Variants in ZNF540 observed in about 807,000 individuals in gnomAD.
The protein encoded by ZNF540 is zinc finger protein 540, also known as CTD-3064H18.6.
Under a neutral mutation model 11.8 loss-of-function variants are expected in ZNF540, and 3 were observed. That is an observed-to-expected ratio of 0.25 (90% CI 0.12 to 0.65). The LOEUF (loss-of-function observed/expected upper bound fraction) is 0.65, where lower values mean the gene tolerates loss of function less well. ZNF540 is among the 30% of genes least tolerant of loss of function. ZNF540 has a pLI of 0.83. For missense variants in ZNF540, 709 were observed against 793.1 expected, an observed-to-expected ratio of 0.89 and a Z score of 1.27; for synonymous variants, 247 against 259.0, an observed-to-expected ratio of 0.95 and a Z score of 0.45.
chr19:37,559,418 T>C (rs147836272), intron 1 of ZNF540, among the ~76,000 whole-genome samples: 5 of 152,358 alleles, frequency 3.3e-5, no homozygotes, highest in African/African-American at 1.2e-4. Context: ...TTTATTGCAC[T>C]AGTTTGCAGA....
intron 1 of ZNF540, among the ~76,000 whole-genome samples, chr19:37,587,592 C>CTT (rs199760691): frequency 1.4e-5 from 2 of 144,742 alleles, no homozygotes; most frequent in Non-Finnish European, 1.5e-5. Flanking sequence ...TAGCACTGAT[C>CTT]TTTTTTTTTT....
At chr19:37,579,003 C>A (rs763379518) in intron 1 of ZNF540, among the ~76,000 whole-genome samples, 12 of 151,910 alleles carry the variant, frequency 7.9e-5, no homozygotes, top group Admixed American at 3.9e-4. Context: ...TTGCAGGAGT[C>A]CTGCTCCAGT....
Position 37,612,053 on chromosome 19 carries a change from T to G in ZNF540, c.773T>G (p.Leu258Arg). 3.1e-6 allele frequency: 5 copies of G among 1,612,496 alleles called. No homozygotes were observed. The highest frequency in any genetic ancestry group is 4.2e-6 in the Non-Finnish European group (5 of 1,179,638). ...AAGACCTTTACTCTTTACCCACAAC[T>G]TAATCGACATCAGAAAATTCACACT... Reference protein sequence around the residue: ...CGKTFTLYPQLNRHQKIHTGK... With the variant: ...CGKTFTLYPQRNRHQKIHTGK... Residue 258 changes from leucine (L) to arginine (R), a missense_variant, in exon 5 of 5, where the codon CTT becomes CGT. Leu to Arg is a moderately radical substitution (Grantham distance 102). Coordinates refer to ENST00000316433, the MANE Select transcript of ZNF540 (RefSeq NM_001172225.3).
intron 1 of ZNF540, among the ~76,000 whole-genome samples, chr19:37,559,210 C>T (rs2042692444): frequency 6.6e-6 from 1 of 152,160 alleles, no homozygotes. Context: ...AACAGAAGCT[C>T]ATGTTTTTTG....
intron 1 of ZNF540, among the ~76,000 whole-genome samples, chr19:37,576,859 G>C (rs1412747051): frequency 3.3e-5 from 5 of 151,968 alleles, no homozygotes; most frequent in Non-Finnish European, 7.4e-5. Flanking sequence ...ATTCACCAGA[G>C]TACTACCAGC....
At chr19:37,571,897 G>A (rs1268605139) in intron 1 of ZNF540, among the ~76,000 whole-genome samples, 5 of 152,126 alleles carry the variant, frequency 3.3e-5, no homozygotes, top group African/African-American at 1.2e-4. Context: ...ACATATGAAG[G>A]CATGAGTTAG....
intron 1 of ZNF540, among the ~76,000 whole-genome samples, chr19:37,575,075 A>C (rs531770938): frequency 6.6e-6 from 1 of 152,338 alleles, no homozygotes; most frequent in Non-Finnish European, 1.5e-5. Context: ...ACAACACCCC[A>C]AATAACAAAA....
At chr19:37,584,280 T>A in intron 1 of ZNF540, 1 of 672,942 alleles carries the variant, frequency 1.5e-6, no homozygotes, top group Non-Finnish European at 2.4e-6. Flanking sequence ...ACTTCCTCTG[T>A]ACAATAGAAC....
chr19:37,568,728 GCT>G (rs1325809472), intron 1 of ZNF540, among the ~76,000 whole-genome samples: 3 of 152,068 alleles, frequency 2.0e-5, no homozygotes, highest in Non-Finnish European at 2.9e-5. Context: ...TTAAGTAGCA[GCT>G]CTTTTTATTG....
Position 37,611,653 on chromosome 19 carries a change from A to G in ZNF540, c.373A>G (p.Lys125Glu). 6.2e-7 allele frequency: 1 copy of G among 1,614,042 alleles called. No individual in the cohort carries two copies. The highest frequency in any genetic ancestry group is 1.3e-5 in the African/African-American group (1 of 75,048). The change falls in exon 5 of 5, where the codon AAA becomes GAA. Residue 125 changes from lysine to glutamate, a missense_variant. Physicochemically the swap from Lys to Glu is moderately conservative, Grantham distance 56. Coordinates refer to ENST00000316433, the MANE Select transcript of ZNF540 (RefSeq NM_001172225.3). ...CATTTTTAGAAATGAGTGGCAGAAC[A>G]AAAGTGAGTTTGAGGGTCAACAGGG... ...GSIFRNEWQN[K>E]SEFEGQQGLK...
chr19:37,570,514 A>C (rs1465275554), intron 1 of ZNF540, among the ~76,000 whole-genome samples: 1 of 152,204 alleles, frequency 6.6e-6, no homozygotes, highest in Non-Finnish European at 1.5e-5. Flanking sequence ...TTTTTCTACA[A>C]ATATTCCTAA....
Position 37,601,064 on chromosome 19 carries a change from C to A in ZNF540, c.191C>A (p.Pro64His). The A allele has an allele frequency of 6.3e-7, 1 of 1,591,406 alleles. No homozygotes were observed. The highest frequency in any genetic ancestry group is 2.3e-5 in the East Asian group (1 of 43,520). ...VITLLEQGKE[P>H]CVVARDVTGR... Reference sequence around the variant, plus strand: ...ACCTTACTGGAGCAAGGGAAAGAGCCCTGCGTGGTGGCGAGGGATGTGACA... The same window carrying A: ...ACCTTACTGGAGCAAGGGAAAGAGCACTGCGTGGTGGCGAGGGATGTGACA... Residue 64 changes from proline (P) to histidine (H), a missense_variant, in exon 4 of 5, where the codon CCC becomes CAC. Physicochemically the swap from Pro to His is moderately conservative, Grantham distance 77. Coordinates refer to ENST00000316433, the MANE Select transcript of ZNF540 (RefSeq NM_001172225.3).
chr19:37,591,677 T>A (rs1193045499), upstream of ZNF540, among the ~76,000 whole-genome samples: 2 of 152,030 alleles, frequency 1.3e-5, no homozygotes, highest in Non-Finnish European at 2.9e-5. Context: ...CCCGAGTAGC[T>A]GGGATTACAG....
chr19:37,593,252 T>C (rs1317601981), upstream of ZNF540, among the ~76,000 whole-genome samples: 3 of 152,158 alleles, frequency 2.0e-5, no homozygotes, highest in African/African-American at 7.2e-5. Context: ...CGGGGAAGGA[T>C]TGATACAAAG....
At chr19:37,599,530 T>C (rs2044023003) in intron 2 of ZNF540, 96 bp from the exon 3 acceptor site, 3 of 1,462,236 alleles carry the variant, frequency 2.1e-6, no homozygotes, top group Admixed American at 1.7e-5. Flanking sequence ...TTTAGTATAG[T>C]ACCCCTTGCT....
At chr19:37,592,236 C>T (rs542718483), upstream of ZNF540, among the ~76,000 whole-genome samples, 1 of 151,842 alleles carries the variant, frequency 6.6e-6, no homozygotes, top group East Asian at 1.9e-4. Flanking sequence ...CCAGCCTGGG[C>T]GACAGAGTGA....
intron 1 of ZNF540, among the ~76,000 whole-genome samples, chr19:37,582,637 A>G (rs556750208): frequency 3.3e-5 from 5 of 152,134 alleles, no homozygotes; most frequent in Non-Finnish European, 7.3e-5. Flanking sequence ...CACCACACAG[A>G]TATCTAATGA....
At chr19:37,573,597 C>T (rs2043139410) in intron 1 of ZNF540, among the ~76,000 whole-genome samples, 2 of 150,124 alleles carry the variant, frequency 1.3e-5, no homozygotes, top group South Asian at 4.2e-4. Flanking sequence ...GAGGCTGAGT[C>T]AGGAGGATCG....
intron 1 of ZNF540, among the ~76,000 whole-genome samples, chr19:37,582,495 C>T (rs2043506633): frequency 6.6e-6 from 1 of 152,154 alleles, no homozygotes; most frequent in Admixed American, 6.6e-5. Context: ...TTGAGCTGTA[C>T]CTTGCCTTCC....
Sources: allele counts gnomAD v4.1 joint callset (sites outside exome capture counted in the v4.1 genomes callset), GRCh38; gene constraint gnomAD v4.1.1; transcripts MANE v1.5; gene names NCBI Gene and HGNC (gene_info 2026-07-23, HGNC 2026-07-21).